Variants in P2RY8 observed in about 807,000 individuals in gnomAD.
P2RY8 encodes S-geranylgeranyl-glutathione receptor P2RY8.
Under a neutral mutation model 10.0 loss-of-function variants are expected in P2RY8, and 6 were observed. The observed-to-expected ratio is 0.60, with a 90% CI of 0.33 to 1.19. P2RY8 has a LOEUF of 1.19. P2RY8 is among the 50% of genes most tolerant of loss of function. P2RY8 has a pLI of 0.04. For synonymous variants in P2RY8, 276 were observed against 252.5 expected (o/e 1.09, Z -0.88); for missense variants, 456 against 542.0 (o/e 0.84, Z 1.58).
At chrX:1,509,800 TCTATCTATCTATCTA>T (rs1251423542) in intron 1 of P2RY8, among the ~76,000 whole-genome samples, 11,885 of 105,382 alleles carry the variant, frequency 0.11, 1,951 homozygotes, top group Middle Eastern at 0.19. Context: ...ATCCATCCTA[TCTATCTATCTATCTA>T]TCTATCTATC....
intron 1 of P2RY8, among the ~76,000 whole-genome samples, chrX:1,532,076 G>T (rs1363446663): frequency 6.6e-6 from 1 of 150,776 alleles, no homozygotes; most frequent in Non-Finnish European, 1.5e-5. Context: ...GTAGAGGAAA[G>T]TAACTCATTA....
chrX:1,491,257 C>A (rs1392297767), intron 1 of P2RY8, among the ~76,000 whole-genome samples: 1 of 152,010 alleles, frequency 6.6e-6, no homozygotes, highest in African/African-American at 2.4e-5. Context: ...CCCAGATTCA[C>A]TTCTGCAAAT....
intron 1 of P2RY8, among the ~76,000 whole-genome samples, chrX:1,484,664 G>GTTGCA (rs2091969622): frequency 7.1e-6 from 1 of 141,062 alleles, no homozygotes; most frequent in Non-Finnish European, 1.5e-5. Context: ...GGAGGCGGAG[G>GTTGCA]TTGCAGTGAG....
chrX:1,477,997 C>T (rs1407951907), intron 1 of P2RY8, among the ~76,000 whole-genome samples: 5 of 152,104 alleles, frequency 3.3e-5, no homozygotes, highest in African/African-American at 4.8e-5. Context: ...CTTGCCGTCA[C>T]GGACCTCCCA....
intron 1 of P2RY8, among the ~76,000 whole-genome samples, chrX:1,508,694 C>T (rs2149401609): frequency 1.1e-5 from 1 of 91,462 alleles, no homozygotes; most frequent in East Asian, 2.6e-4. Context: ...TCCATCCATC[C>T]ATCCATCCAT....
chrX:1,465,117 T>C lies in P2RY8; in HGVS notation c.*362A>G. 3 of 365,670 alleles carry C rather than the reference T, an allele frequency of 8.2e-6. No homozygotes were observed. The highest frequency in any genetic ancestry group is 1.5e-5 in the Non-Finnish European group (3 of 200,952). 22.7% of individuals were successfully genotyped at this position (365,670 alleles called of 1,614,324 possible). On this transcript the variant is annotated 3_prime_UTR_variant, in exon 2 of 2. Coordinates refer to ENST00000381297, the MANE Select transcript of P2RY8 (RefSeq NM_178129.5). The stretch of plus-strand genomic sequence containing the variant: ...GGTATGGACAGGTGTGAGGAGTGTC[T>C]AAGGAGCTCGGGGGTGACAGCCCAG...
chrX:1,530,213 TATGTATCC>T (rs2092464636), intron 1 of P2RY8, among the ~76,000 whole-genome samples: 1 of 149,970 alleles, frequency 6.7e-6, no homozygotes, highest in African/African-American at 2.4e-5. Flanking sequence ...TCTATCTATC[TATGTATCC>T]ATGTATCTAT....
intron 1 of P2RY8, among the ~76,000 whole-genome samples, chrX:1,532,579 A>AT (rs1233066330): frequency 6.6e-6 from 1 of 151,984 alleles, no homozygotes; most frequent in Non-Finnish European, 1.5e-5. Flanking sequence ...GAAAAAGAAT[A>AT]GCATTTGGAG....
intron 1 of P2RY8, among the ~76,000 whole-genome samples, chrX:1,512,495 T>C (rs1490732769): frequency 2.7e-4 from 37 of 136,406 alleles, no homozygotes; most frequent in South Asian, 1.1e-3. Context: ...TGCAGTGGGC[T>C]GAGATCATGC....
chrX:1,524,809 C>CCATCCACT (rs2092428027), intron 1 of P2RY8, among the ~76,000 whole-genome samples: 1 of 6,130 alleles, frequency 1.6e-4, no homozygotes, highest in Non-Finnish European at 4.3e-4. Flanking sequence ...ATCCACTCAT[C>CCATCCACT]CATCCATCCA....
At position 1,466,319 on chromosome X, in the gene P2RY8, G is replaced by C; in HGVS notation, c.240C>G (p.Ile80Met). 1 of 1,613,868 alleles carries C rather than the reference G, an allele frequency of 6.2e-7. No homozygotes were observed. Among genetic ancestry groups the C allele is most frequent in the Non-Finnish European group, 8.5e-7 (1 of 1,179,850 alleles). The part of the protein sequence containing the change: ...LMLASVLPFQ[I>M]YYHCNRHHWV... The stretch of plus-strand genomic sequence containing the variant: ...AGTGGTGGCGGTTGCAATGGTAGTA[G>C]ATTTGGAAAGGCAACACGCTGGCCA... Residue 80 changes from isoleucine to methionine, a missense_variant, in exon 2 of 2, where the codon ATC becomes ATG. By Grantham distance (10) the Ile-to-Met change is conservative (BLOSUM62 1). Coordinates refer to ENST00000381297, the MANE Select transcript of P2RY8 (RefSeq NM_178129.5).
At chrX:1,510,132 T>C (rs2092288292) in intron 1 of P2RY8, among the ~76,000 whole-genome samples, 1 of 152,166 alleles carries the variant, frequency 6.6e-6, no homozygotes, top group African/African-American at 2.4e-5. Flanking sequence ...CAATCTGTCA[T>C]CTATATCTAT....
At chrX:1,496,233 C>T (rs2092115321) in intron 1 of P2RY8, among the ~76,000 whole-genome samples, 1 of 152,262 alleles carries the variant, frequency 6.6e-6, no homozygotes, top group East Asian at 1.9e-4. Flanking sequence ...AACTTGGGTA[C>T]CACTGGCTTC....
chrX:1,467,234 T>G (rs1353191618), intron 1 of P2RY8, among the ~76,000 whole-genome samples: 6 of 152,172 alleles, frequency 3.9e-5, no homozygotes, highest in Non-Finnish European at 8.8e-5. Flanking sequence ...CTCCAAAGTC[T>G]TTCCAGCTTT....
chrX:1,527,645 T>C (rs760947947), intron 1 of P2RY8, among the ~76,000 whole-genome samples: 67 of 152,118 alleles, frequency 4.4e-4, no homozygotes, highest in African/African-American at 1.6e-3. Flanking sequence ...CATTCATCCA[T>C]CCAATCATCC....
At chrX:1,471,108 A>C (rs1420814566) in intron 1 of P2RY8, among the ~76,000 whole-genome samples, 4 of 151,802 alleles carry the variant, frequency 2.6e-5, no homozygotes. Context: ...CCCCGGTTCA[A>C]GCAATTTTCC....
chrX:1,477,952 G>C (rs1475440022), intron 1 of P2RY8, among the ~76,000 whole-genome samples: 4 of 152,142 alleles, frequency 2.6e-5, no homozygotes, highest in Non-Finnish European at 4.4e-5. Flanking sequence ...GATGAAGAGC[G>C]ATTCCTTAAA....
intron 1 of P2RY8, among the ~76,000 whole-genome samples, chrX:1,530,422 T>C (rs2092466280): frequency 6.6e-6 from 1 of 151,686 alleles, no homozygotes; most frequent in African/African-American, 2.4e-5. Context: ...CACCTATGTA[T>C]GTATCTATGT....
intron 1 of P2RY8, among the ~76,000 whole-genome samples, chrX:1,507,671 G>A (rs1296660079): frequency 2.0e-5 from 3 of 152,100 alleles, no homozygotes; most frequent in South Asian, 4.1e-4. Context: ...GGCGACGCGC[G>A]ATTTCCGCCC....
Sources: allele counts gnomAD v4.1 joint callset (sites outside exome capture counted in the v4.1 genomes callset), GRCh38; gene constraint gnomAD v4.1.1; transcripts MANE v1.5; gene names NCBI Gene and HGNC (gene_info 2026-07-23, HGNC 2026-07-21).